Variants in FAF1 observed in about 807,000 individuals in gnomAD.
FAF1 encodes the protein FAS-associated factor 1.
A neutral mutation model predicts 92.5 loss-of-function variants in FAF1; 25 were observed. The ratio of observed to expected loss-of-function variants is 0.27; its 90% CI spans 0.20 to 0.38. The LOEUF (loss-of-function observed/expected upper bound fraction) is 0.38. FAF1 is among the 10% of genes least tolerant of loss of function. FAF1 has a pLI of 1.00. For missense variants in FAF1, 636 were observed against 793.3 expected, an observed-to-expected ratio of 0.80 and a Z score of 2.38; for synonymous variants, 234 against 273.2, an observed-to-expected ratio of 0.86 and a Z score of 1.42.
chr1:50,688,446 T>C (rs1170410798), intron 7 of FAF1, among the ~76,000 whole-genome samples: 3 of 152,174 alleles, frequency 2.0e-5, no homozygotes, highest in Non-Finnish European at 4.4e-5. Context: ...AACCCAATGG[T>C]CTATCAGTGT....
chr1:50,794,267 GA>G (rs1230634374), intron 3 of FAF1, among the ~76,000 whole-genome samples: 8 of 151,388 alleles, frequency 5.3e-5, no homozygotes, highest in Non-Finnish European at 1.5e-5. Flanking sequence ...GTTAACTGAG[GA>G]AAAAAAAATT....
chr1:50,922,739 A>T (rs1644974882), intron 1 of FAF1, among the ~76,000 whole-genome samples: 1 of 150,154 alleles, frequency 6.7e-6, no homozygotes, highest in Non-Finnish European at 1.5e-5. Context: ...GAATCACTTG[A>T]ACCCAGGAGA....
At chr1:50,482,577 T>C (rs1646716197) in intron 17 of FAF1, among the ~76,000 whole-genome samples, 1 of 152,206 alleles carries the variant, frequency 6.6e-6, no homozygotes, top group African/African-American at 2.4e-5. Flanking sequence ...CAAGAAAGTT[T>C]CAAGCTAATT....
At chr1:50,940,597 C>A (rs993933977) in intron 1 of FAF1, among the ~76,000 whole-genome samples, 1 of 152,152 alleles carries the variant, frequency 6.6e-6, no homozygotes, top group Admixed American at 6.5e-5. Flanking sequence ...ACTACTAGGA[C>A]GTTGGGAATA....
intron 7 of FAF1, among the ~76,000 whole-genome samples, chr1:50,695,224 A>G (rs1657138953): frequency 6.6e-6 from 1 of 152,124 alleles, no homozygotes; most frequent in African/African-American, 2.4e-5. Context: ...CCTGCCCAAC[A>G]TGGTGAAACC....
chr1:50,518,350 T>C (rs1647314049), intron 15 of FAF1, among the ~76,000 whole-genome samples: 1 of 152,174 alleles, frequency 6.6e-6, no homozygotes, highest in African/African-American at 2.4e-5. Flanking sequence ...CAAAGGTCAA[T>C]AAAGGATACT....
chr1:50,921,685 G>A (rs537206262), intron 1 of FAF1, among the ~76,000 whole-genome samples: 45 of 152,196 alleles, frequency 3.0e-4, no homozygotes, highest in African/African-American at 1.0e-3. Context: ...GGAGGCTGAC[G>A]TGGGAGGATC....
At chr1:50,579,464 T>G (rs2149064197) in intron 12 of FAF1, among the ~76,000 whole-genome samples, 1 of 152,290 alleles carries the variant, frequency 6.6e-6, no homozygotes, top group South Asian at 2.1e-4. Context: ...AATACATTAT[T>G]TTGAAACTAT....
chr1:50,736,702 G>C (rs1193500957), intron 6 of FAF1, among the ~76,000 whole-genome samples: 1 of 151,780 alleles, frequency 6.6e-6, no homozygotes, highest in Non-Finnish European at 1.5e-5. Flanking sequence ...AGTGAGCTGA[G>C]ATCATGCCAT....
intron 9 of FAF1, among the ~76,000 whole-genome samples, chr1:50,585,928 C>T (rs1033791128): frequency 9.9e-5 from 15 of 150,802 alleles, no homozygotes; most frequent in African/African-American, 3.7e-4. Context: ...GATGGTGTGC[C>T]GCTGGTCTTA....
chr1:50,699,919 A>G (rs1427413763), intron 7 of FAF1, among the ~76,000 whole-genome samples: 1 of 152,170 alleles, frequency 6.6e-6, no homozygotes, highest in African/African-American at 2.4e-5. Context: ...GTTAAAACAC[A>G]AAGAGTTGAA....
At chr1:50,869,717 T>C (rs1036356288) in intron 1 of FAF1, among the ~76,000 whole-genome samples, 1 of 152,168 alleles carries the variant, frequency 6.6e-6, no homozygotes, top group African/African-American at 2.4e-5. Context: ...ACCTACCTAG[T>C]ATAGAGTTTT....
intron 1 of FAF1, among the ~76,000 whole-genome samples, chr1:50,929,239 T>A (rs918821979): frequency 2.6e-5 from 4 of 152,116 alleles, no homozygotes; most frequent in Non-Finnish European, 4.4e-5. Context: ...ATTAACAGAA[T>A]TAAAACAGAA....
intron 8 of FAF1, among the ~76,000 whole-genome samples, chr1:50,625,196 G>A (rs185183671): frequency 1.8e-4 from 27 of 152,134 alleles, no homozygotes; most frequent in East Asian, 3.9e-4. Flanking sequence ...CACCGCTCCC[G>A]GCAGAGAATC....
intron 17 of FAF1, among the ~76,000 whole-genome samples, chr1:50,476,995 TTTCTGCATA>T (rs1646646893): frequency 1.3e-5 from 2 of 152,192 alleles, no homozygotes; most frequent in Non-Finnish European, 2.9e-5. Flanking sequence ...CATCTGGTGT[TTTCTGCATA>T]TGCCTTTCTA....
At chr1:50,888,822 T>G (rs918211165) in intron 1 of FAF1, among the ~76,000 whole-genome samples, 1 of 152,168 alleles carries the variant, frequency 6.6e-6, no homozygotes, top group African/African-American at 2.4e-5. Flanking sequence ...GGTCTAAAAT[T>G]CTCTTTTTTT....
intron 8 of FAF1, among the ~76,000 whole-genome samples, chr1:50,646,911 T>C (rs1423250991): frequency 1.3e-5 from 2 of 152,226 alleles, no homozygotes; most frequent in African/African-American, 2.4e-5. Flanking sequence ...AGTGGCATGC[T>C]CTTGGCTCAC....
intron 2 of FAF1, among the ~76,000 whole-genome samples, chr1:50,852,482 G>A (rs147358465): frequency 8.3e-4 from 126 of 152,226 alleles, no homozygotes; most frequent in African/African-American, 3.0e-3. Context: ...AAGCAGAAAT[G>A]TATTTAGAGT....
At chr1:50,615,753 A>G (rs1030534969) in intron 8 of FAF1, among the ~76,000 whole-genome samples, 2 of 151,990 alleles carry the variant, frequency 1.3e-5, no homozygotes, top group African/African-American at 4.8e-5. Flanking sequence ...ATTTTTGGAT[A>G]TAGAATTTTT....
Sources: allele counts gnomAD v4.1 joint callset (sites outside exome capture counted in the v4.1 genomes callset), GRCh38; gene constraint gnomAD v4.1.1; transcripts MANE v1.5; gene names NCBI Gene and HGNC (gene_info 2026-07-23, HGNC 2026-07-21).